The following CPNE8 variants were observed in gnomAD, a reference collection of about 807,000 sequenced individuals.
The protein encoded by CPNE8 is copine-8.
CPNE8 carries 45 observed loss-of-function variants against 81.5 expected under a neutral mutation model. The observed-to-expected ratio is 0.55, with a 90% CI of 0.44 to 0.71. The LOEUF (loss-of-function observed/expected upper bound fraction) is 0.71, where lower values mean the gene tolerates loss of function less well. Ranked by LOEUF, CPNE8 falls within the 30% of genes least tolerant of loss-of-function variation. CPNE8 has a pLI of 0.00. For missense variants in CPNE8, 594 were observed against 672.1 expected (o/e 0.88, Z 1.28); for synonymous variants, 252 against 226.3 (o/e 1.11, Z -1.02).
At chr12:38,714,135 C>T (rs987727724) in intron 13 of CPNE8, among the ~76,000 whole-genome samples, 2 of 152,064 alleles carry the variant, frequency 1.3e-5, no homozygotes, top group Non-Finnish European at 2.9e-5. Context: ...TCTTCAGACA[C>T]TTACAGTGTG....
At chr12:38,856,977 T>C (rs2137072920) in intron 3 of CPNE8, among the ~76,000 whole-genome samples, 1 of 152,144 alleles carries the variant, frequency 6.6e-6, no homozygotes, top group Non-Finnish European at 1.5e-5. Context: ...TTTTTTTCAA[T>C]ATACAGCCTA....
chr12:38,783,440 G>A (rs1042389579), intron 6 of CPNE8, among the ~76,000 whole-genome samples: 2 of 152,132 alleles, frequency 1.3e-5, no homozygotes, highest in African/African-American at 4.8e-5. Flanking sequence ...CTACACTGTG[G>A]TGCTGAGAAC....
intron 19 of CPNE8, among the ~76,000 whole-genome samples, chr12:38,667,566 ACT>A (rs1275582534): frequency 6.6e-6 from 1 of 152,154 alleles, no homozygotes; most frequent in Non-Finnish European, 1.5e-5. Flanking sequence ...CAAATCTCTA[ACT>A]CAATGCAGGA....
intron 10 of CPNE8, among the ~76,000 whole-genome samples, chr12:38,753,217 C>T (rs912098507): frequency 2.6e-5 from 4 of 151,974 alleles, no homozygotes; most frequent in African/African-American, 4.8e-5. Context: ...TTTGGGAGGC[C>T]GAGACGGGTG....
chr12:38,776,957 G>A (rs73107199), intron 6 of CPNE8, among the ~76,000 whole-genome samples: 138 of 149,450 alleles, frequency 9.2e-4, no homozygotes, highest in Middle Eastern at 7.1e-3. Flanking sequence ...CATCAAATAT[G>A]TTACTGTTTA....
At chr12:38,792,788 C>A (rs926849611) in intron 6 of CPNE8, among the ~76,000 whole-genome samples, 1 of 151,650 alleles carries the variant, frequency 6.6e-6, no homozygotes, top group Non-Finnish European at 1.5e-5. Context: ...AAGAAGAGAA[C>A]GTTATAGATC....
At chr12:38,659,419 G>A (rs1054763769) in intron 19 of CPNE8, among the ~76,000 whole-genome samples, 18 of 152,032 alleles carry the variant, frequency 1.2e-4, no homozygotes, top group East Asian at 5.8e-4. Flanking sequence ...AGAGACCTAC[G>A]AAGAGACTTA....
chr12:38,902,521 G>C (rs138273045), intron 1 of CPNE8, among the ~76,000 whole-genome samples: 1 of 152,134 alleles, frequency 6.6e-6, no homozygotes, highest in Admixed American at 6.5e-5. Flanking sequence ...CAAATCCTCA[G>C]AAGTCTCTGG....
chr12:38,798,779 T>A (rs1263606999), intron 6 of CPNE8, among the ~76,000 whole-genome samples: 2 of 152,150 alleles, frequency 1.3e-5, no homozygotes, highest in African/African-American at 2.4e-5. Context: ...TCAAGATCCA[T>A]CAGTGTGCTG....
chr12:38,800,166 AG>A (rs1242641923), intron 6 of CPNE8, among the ~76,000 whole-genome samples: 7 of 120,024 alleles, frequency 5.8e-5, no homozygotes, highest in African/African-American at 8.2e-5. Context: ...CAACTCAAGG[AG>A]GCCTGCCTGC....
In CPNE8 at chr12:38,848,635, T is replaced by C. The variant is rs1461336805; in HGVS notation, c.214A>G (p.Thr72Ala). ...EFGRTEVIDN[T>A]LNPDFVRKFI... ...TTTCTTACAAAATCAGGATTTAAAG[T>C]ATTATCAATTACTTCAGTTCTTCCA... The change falls in exon 4 of 20, where the codon ACT (threonine) becomes GCT (alanine). Residue 72 changes from threonine to alanine, a missense_variant. Transcript: ENST00000331366. 1 of 1,592,356 alleles carries C rather than the reference T, an allele frequency of 6.3e-7. No individual in the cohort carries two copies. The highest frequency in any genetic ancestry group is 8.5e-7 in the Non-Finnish European group (1 of 1,173,836).
intron 15 of CPNE8, among the ~76,000 whole-genome samples, chr12:38,687,502 C>T (rs1939560733): frequency 1.3e-5 from 2 of 151,678 alleles, no homozygotes; most frequent in Admixed American, 1.3e-4. Flanking sequence ...CTGTCTCAGC[C>T]TCCCAAGTAG....
intron 5 of CPNE8, among the ~76,000 whole-genome samples, chr12:38,836,907 T>C (rs935640997): frequency 6.6e-6 from 1 of 152,182 alleles, no homozygotes; most frequent in Non-Finnish European, 1.5e-5. Flanking sequence ...TAGATAGTCA[T>C]CTCTAACAGT....
intron 13 of CPNE8, among the ~76,000 whole-genome samples, chr12:38,704,837 T>TGC: frequency 7.8e-6 from 1 of 128,530 alleles, no homozygotes; most frequent in African/African-American, 2.8e-5. Flanking sequence ...TATATATATA[T>TGC]ATATATATAT....
At chr12:38,715,771 T>C (rs942868077) in intron 13 of CPNE8, among the ~76,000 whole-genome samples, 1 of 152,044 alleles carries the variant, frequency 6.6e-6, no homozygotes, top group African/African-American at 2.4e-5. Flanking sequence ...CTATTCAACA[T>C]AGTATTGGAA....
chr12:38,664,511 C>T (rs1939025234), intron 19 of CPNE8, among the ~76,000 whole-genome samples: 1 of 152,068 alleles, frequency 6.6e-6, no homozygotes, highest in South Asian at 2.1e-4. Flanking sequence ...AATTTTATCT[C>T]TTTCAAATTT....
intron 6 of CPNE8, among the ~76,000 whole-genome samples, chr12:38,796,567 C>G (rs944980483): frequency 2.0e-5 from 3 of 152,066 alleles, no homozygotes; most frequent in Non-Finnish European, 4.4e-5. Flanking sequence ...GGGAGGCAGC[C>G]AAGATGGCCG....
chr12:38,740,007 C>T lies in CPNE8; in HGVS notation c.723-9649G>A, dbSNP rs1487692570. Among the ~76,000 whole-genome samples the T allele has an allele frequency of 5.9e-5, 9 of 152,160 alleles. No individual in the cohort carries two copies. In the East Asian group the frequency reaches 7.7e-4, roughly 13 times the overall value. On this transcript the variant is annotated intron_variant, in intron 10 of 19. Transcript: ENST00000331366. Reference sequence around the variant, plus strand: ...CAGGGATATGTTTAGATAATAATGGCTTCAAAGGGGCATTGTCAATGTGTG... The same window carrying T: ...CAGGGATATGTTTAGATAATAATGGTTTCAAAGGGGCATTGTCAATGTGTG...
chr12:38,760,800 C>G, intron 10 of CPNE8, 47 bp downstream of exon 10: 1 of 1,470,448 alleles, frequency 6.8e-7, no homozygotes, highest in Non-Finnish European at 9.5e-7. Flanking sequence ...GTATGTGCCT[C>G]TTAAAGTACA....
Sources: allele counts gnomAD v4.1 joint callset (sites outside exome capture counted in the v4.1 genomes callset), GRCh38; gene constraint gnomAD v4.1.1; transcripts MANE v1.5; gene names NCBI Gene and HGNC (gene_info 2026-07-23, HGNC 2026-07-21).